The following RGS6 variants were observed in gnomAD, a reference collection of about 807,000 sequenced individuals.
RGS6 encodes the protein regulator of G protein signaling 6.
In RGS6, 30 loss-of-function variants were observed where a neutral mutation model predicts 78.5. The observed-to-expected ratio is 0.38, with a 90% confidence interval of 0.29 to 0.52. The LOEUF (loss-of-function observed/expected upper bound fraction) is 0.52, where lower values mean the gene tolerates loss of function less well. Among genes scored for constraint, RGS6 ranks in the 20% least tolerant of loss-of-function variants. The pLI is 0.85. For synonymous variants in RGS6, 206 were observed against 206.0 expected, an observed-to-expected ratio of 1.00 and a Z score of 0.00; for missense variants, 495 against 609.7, an observed-to-expected ratio of 0.81 and a Z score of 1.98.
Position 72,320,585 on chromosome 14 carries a change from T to C in RGS6, c.85-31510T>C, listed in dbSNP as rs1321249907. Among the ~76,000 whole-genome samples, 7 of 151,568 alleles carry C rather than the reference T, an allele frequency of 4.6e-5. No homozygotes were observed. The East Asian group carries it at 9.7e-4, about 21-fold the overall frequency. On this transcript the variant is annotated intron_variant, in intron 2 of 17. Coordinates refer to ENST00000553525, the MANE Select transcript of RGS6 (RefSeq NM_001204424.2). Reference sequence around the variant, plus strand: ...AGAGCAAGACTCTGTCTCAAAAAAATAAATAAAATTAAAAAATAAAAAATA... The same window carrying C: ...AGAGCAAGACTCTGTCTCAAAAAAACAAATAAAATTAAAAAATAAAAAATA...
the RGS6 span, among the ~76,000 whole-genome samples, chr14:71,910,618 C>T: frequency 1.6e-4 from 25 of 152,248 alleles, no homozygotes; most frequent in African/African-American, 5.8e-4. Context: ...GGAGAAATTA[C>T]GTTTTTCCCC....
intron 2 of RGS6, among the ~76,000 whole-genome samples, chr14:72,128,583 T>C (rs1196961071): frequency 6.6e-6 from 1 of 152,120 alleles, no homozygotes; most frequent in Non-Finnish European, 1.5e-5. Context: ...TTGTTAGATG[T>C]TTTTAAAACA....
chr14:72,533,713 C>T (rs766178514), intron 15 of RGS6, among the ~76,000 whole-genome samples: 2 of 152,122 alleles, frequency 1.3e-5, no homozygotes, highest in Non-Finnish European at 2.9e-5. Flanking sequence ...GTTCAAGATC[C>T]TAGTGAAGAA....
chr14:72,397,026 G>T (rs550408194), intron 3 of RGS6, among the ~76,000 whole-genome samples: 1 of 152,088 alleles, frequency 6.6e-6, no homozygotes, highest in Non-Finnish European at 1.5e-5. Flanking sequence ...TTGGCAATGC[G>T]GGCTCTTTTT....
At chr14:72,218,051 T>C (rs2045995252) in intron 2 of RGS6, among the ~76,000 whole-genome samples, 1 of 152,178 alleles carries the variant, frequency 6.6e-6, no homozygotes, top group African/African-American at 2.4e-5. Context: ...GACATTCTTT[T>C]AAATTCTATA....
chr14:72,477,108 G>T (rs943239461), intron 11 of RGS6: 3 of 401,236 alleles, frequency 7.5e-6, no homozygotes, highest in Admixed American at 8.3e-5. Flanking sequence ...CTGTAATGGG[G>T]TTTCCCACAG....
At chr14:72,077,433 T>G (rs1220877774) in intron 2 of RGS6, among the ~76,000 whole-genome samples, 1 of 152,212 alleles carries the variant, frequency 6.6e-6, no homozygotes, top group East Asian at 1.9e-4. Flanking sequence ...AATGCTAAAT[T>G]TTATGTCATC....
At chr14:72,322,659 ACAAAT>A (rs765858531) in intron 2 of RGS6, among the ~76,000 whole-genome samples, 2 of 152,106 alleles carry the variant, frequency 1.3e-5, no homozygotes, top group Non-Finnish European at 2.9e-5. Context: ...ATATTAGAAA[ACAAAT>A]CTAAGAGCTC....
intron 2 of RGS6, among the ~76,000 whole-genome samples, chr14:72,092,612 C>T (rs1359726456): frequency 6.6e-6 from 1 of 152,148 alleles, no homozygotes; most frequent in Non-Finnish European, 1.5e-5. Flanking sequence ...GAACTCCTGA[C>T]CTCAGGTGAT....
At chr14:72,619,698 T>G in the RGS6 span, among the ~76,000 whole-genome samples, 2 of 152,206 alleles carry the variant, frequency 1.3e-5, no homozygotes, top group Non-Finnish European at 2.9e-5. Context: ...AAGTTGAAAT[T>G]TCAGCTGCTT....
intron 2 of RGS6, among the ~76,000 whole-genome samples, chr14:72,067,827 G>A (rs370785151): frequency 3.9e-5 from 6 of 152,242 alleles, no homozygotes; most frequent in African/African-American, 1.4e-4. Context: ...TACCAACGCT[G>A]TAATATTTTG....
At chr14:72,605,725 C>A in the RGS6 span, among the ~76,000 whole-genome samples, 3 of 152,136 alleles carry the variant, frequency 2.0e-5, no homozygotes, top group Admixed American at 1.3e-4. Context: ...TAAGAGTAAC[C>A]CAAGGGAGAA....
At chr14:71,890,154 C>A in the RGS6 span, among the ~76,000 whole-genome samples, 4 of 152,046 alleles carry the variant, frequency 2.6e-5, no homozygotes, top group Admixed American at 6.6e-5. Context: ...TTCTTTACAG[C>A]GATGTGTGAA....
At chr14:72,205,244 A>T (rs544385245) in intron 2 of RGS6, among the ~76,000 whole-genome samples, 1 of 152,176 alleles carries the variant, frequency 6.6e-6, no homozygotes, top group South Asian at 2.1e-4. Context: ...CACCACCAAG[A>T]TACTATCCTT....
At chr14:72,305,007 A>G (rs2066922598) in intron 2 of RGS6, among the ~76,000 whole-genome samples, 1 of 152,206 alleles carries the variant, frequency 6.6e-6, no homozygotes, top group Non-Finnish European at 1.5e-5. Context: ...GACATTACCA[A>G]ACTTTCTGAT....
At position 72,558,322 on chromosome 14, in the gene RGS6, C is replaced by T. The variant is rs189037567; in HGVS notation, c.1423-4095C>T. On this transcript the variant is annotated intron_variant, in intron 17 of 17. Transcript: ENST00000553525. ...GCATTGAAAAAGATCCTCCCTGAGCCGCTAGTGCTTGGCTCTGCTGTCCCC... is the reference window on the plus strand; with the variant it reads ...GCATTGAAAAAGATCCTCCCTGAGCTGCTAGTGCTTGGCTCTGCTGTCCCC... 1.8e-4 allele frequency among the ~76,000 whole-genome samples: 28 copies of T among 152,224 alleles called. No homozygotes were observed. The East Asian group carries it at 4.6e-3, about 25-fold the overall frequency.
intron 4 of RGS6, among the ~76,000 whole-genome samples, chr14:72,456,053 G>T (rs1353841075): frequency 1.3e-5 from 2 of 152,158 alleles, no homozygotes; most frequent in Non-Finnish European, 2.9e-5. Flanking sequence ...TCTGTGAAGG[G>T]TCCTGAATGA....
intron 2 of RGS6, among the ~76,000 whole-genome samples, chr14:72,246,159 A>T (rs1594757957): frequency 6.6e-6 from 1 of 152,194 alleles, no homozygotes; most frequent in East Asian, 1.9e-4. Context: ...TGCTATAACG[A>T]TTGTTGACCC....
the RGS6 span, among the ~76,000 whole-genome samples, chr14:72,572,280 A>G: frequency 6.6e-6 from 1 of 152,246 alleles, no homozygotes; most frequent in African/African-American, 2.4e-5. Context: ...TGACCCAGCA[A>G]TTCCATTCAT....
Sources: allele counts gnomAD v4.1 joint callset (sites outside exome capture counted in the v4.1 genomes callset), GRCh38; gene constraint gnomAD v4.1.1; transcripts MANE v1.5; gene names NCBI Gene and HGNC (gene_info 2026-07-23, HGNC 2026-07-21).